The following TMEM40 variants were observed in gnomAD, a reference collection of about 807,000 sequenced individuals.
The protein encoded by TMEM40 is transmembrane protein 40.
Under a neutral mutation model 40.8 loss-of-function variants are expected in TMEM40, and 34 were observed. The observed-to-expected ratio is 0.83, with a 90% CI of 0.63 to 1.11. The LOEUF (loss-of-function observed/expected upper bound fraction) is 1.11. Among genes scored for constraint, TMEM40 ranks in the 50% least tolerant of loss-of-function variants. The pLI, the probability that TMEM40 is intolerant of heterozygous loss-of-function variation, is 0.00. For missense variants in TMEM40, 296 were observed against 280.2 expected (o/e 1.06, Z -0.40); for synonymous variants, 106 against 107.0 (o/e 0.99, Z 0.06).
intron 1 of TMEM40, among the ~76,000 whole-genome samples, chr3:12,750,766 T>C (rs577034218): frequency 6.6e-6 from 1 of 152,174 alleles, no homozygotes; most frequent in Non-Finnish European, 1.5e-5. Flanking sequence ...ATTTAAACCA[T>C]GTTTCTCAGC....
At chr3:12,752,921 C>T (rs1397228653) in intron 1 of TMEM40, among the ~76,000 whole-genome samples, 1 of 152,180 alleles carries the variant, frequency 6.6e-6, no homozygotes, top group Admixed American at 6.5e-5. Flanking sequence ...ATGCTGGCTC[C>T]TCTTCTCAGG....
chr3:12,744,171 A>G (rs985017665), intron 3 of TMEM40, among the ~76,000 whole-genome samples, 182 bp from the exon 4 acceptor site: 1 of 152,196 alleles, frequency 6.6e-6, no homozygotes, highest in Non-Finnish European at 1.5e-5. Context: ...ACTTTGCACA[A>G]ATCCCTTAAT....
intron 1 of TMEM40, among the ~76,000 whole-genome samples, chr3:12,767,641 C>T: frequency 6.6e-6 from 1 of 152,170 alleles, no homozygotes; most frequent in East Asian, 1.9e-4. Flanking sequence ...GCAAAAGCAG[C>T]ATGGGCAAGA....
intron 1 of TMEM40, among the ~76,000 whole-genome samples, chr3:12,755,245 T>TCTCTCTCTC (rs2061517236): frequency 9.3e-6 from 1 of 107,516 alleles, no homozygotes; most frequent in African/African-American, 4.8e-5. Context: ...CTTTCTTTCT[T>TCTCTCTCTC]TCTTTCTTTC....
rs1332317453 is a variant in TMEM40, at chr3:12,743,932, C to T, written c.269G>A (p.Gly90Glu). The change falls in exon 4 of 12, where the codon GGG becomes GAG. Residue 90 changes from glycine to glutamate, a missense_variant. Physicochemically the swap from Gly to Glu is moderately conservative, Grantham distance 98. Transcript: ENST00000314124. ...RATGKHRRSLGAGYPHGNGSP... is the reference protein window; with the variant it reads ...RATGKHRRSLEAGYPHGNGSP... ...GCCGTTCCCGTGGGGGTATCCAGCC[C>T]CCAGGCTCCGTCGATGTTTTCCGGT... The T allele has an allele frequency of 2.5e-6, 4 of 1,613,340 alleles. No individual in the cohort carries two copies. In the Admixed American group the frequency reaches 6.7e-5, roughly 27 times the overall value.
In TMEM40 at chr3:12,747,000, G is replaced by A. The variant is rs183213662; in HGVS notation, c.211+1655C>T. Among the ~76,000 whole-genome samples the A allele has an allele frequency of 3.1e-3, 468 of 152,224 alleles. 4 individuals carry two copies. Among genetic ancestry groups the A allele is most frequent in the African/African-American group, 0.011 (442 of 41,534 alleles). On this transcript the variant is annotated intron_variant, in intron 3 of 11. Coordinates refer to ENST00000314124, the MANE Select transcript of TMEM40 (RefSeq NM_018306.4). Reference sequence around the variant, plus strand: ...GCCAAACCTCATACATGGTGGGCTTGTGTGTTTTCTCATTTTTTGTTTTTA... The same window carrying A: ...GCCAAACCTCATACATGGTGGGCTTATGTGTTTTCTCATTTTTTGTTTTTA...
intron 10 of TMEM40, among the ~76,000 whole-genome samples, chr3:12,736,374 T>A (rs1173306495): frequency 6.6e-6 from 1 of 152,018 alleles, no homozygotes; most frequent in African/African-American, 2.4e-5. Flanking sequence ...GGTCTCAAAC[T>A]CCTAACCTCA....
chr3:12,747,131 T>C (rs2061435107), intron 3 of TMEM40, among the ~76,000 whole-genome samples: 1 of 152,018 alleles, frequency 6.6e-6, no homozygotes, highest in South Asian at 2.1e-4. Flanking sequence ...ATCATTGATT[T>C]TGTGGCTTTG....
chr3:12,757,921 C>G (rs2061541159), intron 1 of TMEM40, among the ~76,000 whole-genome samples: 1 of 152,038 alleles, frequency 6.6e-6, no homozygotes, highest in Admixed American at 6.6e-5. Flanking sequence ...AGGCTGGTCT[C>G]GAACTCCTGA....
chr3:12,744,469 G>C (rs988835341), intron 3 of TMEM40, among the ~76,000 whole-genome samples: 1 of 152,176 alleles, frequency 6.6e-6, no homozygotes, highest in Admixed American at 6.5e-5. Flanking sequence ...AACTGCCCCA[G>C]CTCACACTGG....
intron 1 of TMEM40, among the ~76,000 whole-genome samples, chr3:12,753,221 T>TC: frequency 7.4e-6 from 1 of 135,584 alleles, no homozygotes; most frequent in African/African-American, 2.8e-5. Flanking sequence ...CTTTTTTTTT[T>TC]TTTTTTTTTT....
At chr3:12,750,670 A>T (rs2061468586) in intron 1 of TMEM40, among the ~76,000 whole-genome samples, 2 of 151,312 alleles carry the variant, frequency 1.3e-5, no homozygotes, top group Non-Finnish European at 2.9e-5. Flanking sequence ...CTAGTCTTGA[A>T]CTCCTGGGTT....
chr3:12,749,498 TC>T (rs2061456299), intron 2 of TMEM40, among the ~76,000 whole-genome samples: 1 of 152,280 alleles, frequency 6.6e-6, no homozygotes, highest in East Asian at 1.9e-4. Flanking sequence ...CTAGGGGTGC[TC>T]CCTAGTGCCA....
intron 3 of TMEM40, among the ~76,000 whole-genome samples, chr3:12,747,697 A>G (rs1287427588): frequency 5.3e-5 from 8 of 151,898 alleles, no homozygotes; most frequent in African/African-American, 1.5e-4. Flanking sequence ...ATCACCTGAG[A>G]TCAGGAGTTC....
intron 1 of TMEM40, among the ~76,000 whole-genome samples, chr3:12,758,192 G>A (rs1215336514): frequency 2.0e-5 from 3 of 151,714 alleles, no homozygotes; most frequent in African/African-American, 7.3e-5. Flanking sequence ...CAGCACTTGA[G>A]ATCTCTCTCT....
At chr3:12,745,066 A>T (rs984323355) in intron 3 of TMEM40, among the ~76,000 whole-genome samples, 1 of 152,086 alleles carries the variant, frequency 6.6e-6, no homozygotes, top group Non-Finnish European at 1.5e-5. Flanking sequence ...AAATTATTCC[A>T]ATTTTTTTTT....
upstream of TMEM40, among the ~76,000 whole-genome samples, chr3:12,761,694 G>C (rs2061569498): frequency 6.6e-6 from 1 of 152,140 alleles, no homozygotes; most frequent in Non-Finnish European, 1.5e-5. Context: ...CCAGCATCTG[G>C]GTGAGCATGA....
intron 1 of TMEM40, among the ~76,000 whole-genome samples, chr3:12,754,492 C>T (rs577140765): frequency 3.9e-5 from 6 of 152,298 alleles, no homozygotes; most frequent in Admixed American, 1.3e-4. Context: ...ATAGTAGGTG[C>T]ACAACCAATG....
At chr3:12,739,346 G>A (rs2061363400) in intron 5 of TMEM40, 1 of 151,982 alleles carries the variant, frequency 6.6e-6, no homozygotes, top group Non-Finnish European at 1.5e-5. Context: ...GTGCAGTGGT[G>A]CAATCTCGGC....
Sources: gnomAD v4.1 joint callset for allele counts (sites outside exome capture counted in the v4.1 genomes callset) on GRCh38, gnomAD v4.1.1 for gene constraint, MANE v1.5 for transcripts, NCBI Gene and HGNC (gene_info 2026-07-23, HGNC 2026-07-21) for gene names.